The following ULK4 variants were observed in gnomAD, a reference collection of about 807,000 sequenced individuals.
ULK4 encodes the protein inactive serine/threonine-protein kinase ULK4.
ULK4 carries 133 observed loss-of-function variants against 160.6 expected under a neutral mutation model. That is an observed-to-expected ratio of 0.83 (90% CI 0.72 to 0.96). ULK4 has a LOEUF of 0.96. Among genes scored for constraint, ULK4 ranks in the 40% least tolerant of loss-of-function variants. ULK4 has a pLI of 0.00. For synonymous variants in ULK4, 534 were observed against 539.8 expected (o/e 0.99, Z 0.15); for missense variants, 1,580 against 1,499.5 (o/e 1.05, Z -0.89).
At chr3:41,886,876 T>C (rs1559629705) in intron 16 of ULK4, among the ~76,000 whole-genome samples, 1 of 152,200 alleles carries the variant, frequency 6.6e-6, no homozygotes, top group East Asian at 1.9e-4. Context: ...CCCAGCCTGG[T>C]GTGAATCTTT....
chr3:41,300,870 T>TATATAC (rs2079780443), intron 35 of ULK4, among the ~76,000 whole-genome samples: 2 of 114,792 alleles, frequency 1.7e-5, no homozygotes, highest in Non-Finnish European at 1.7e-5. Flanking sequence ...TATATATATA[T>TATATAC]ATATATATAT....
At chr3:41,253,338 A>T (rs2078773945) in intron 35 of ULK4, among the ~76,000 whole-genome samples, 1 of 152,094 alleles carries the variant, frequency 6.6e-6, no homozygotes, top group Admixed American at 6.5e-5. Context: ...ACATATGTAG[A>T]TGTAACATAT....
intron 32 of ULK4, among the ~76,000 whole-genome samples, chr3:41,560,578 C>T (rs1291726519): frequency 1.3e-5 from 2 of 152,206 alleles, no homozygotes; most frequent in Admixed American, 6.5e-5. Context: ...AGGTTCTTCA[C>T]ATCCCTTTTA....
chr3:41,551,412 C>CG (rs1559386751), intron 32 of ULK4, among the ~76,000 whole-genome samples: 2 of 144,970 alleles, frequency 1.4e-5, no homozygotes, highest in African/African-American at 2.8e-5. Flanking sequence ...GAAGAAGATC[C>CG]AAATAAAATC....
At chr3:41,385,094 A>G (rs571304508) in intron 35 of ULK4, among the ~76,000 whole-genome samples, 1 of 152,290 alleles carries the variant, frequency 6.6e-6, no homozygotes, top group South Asian at 2.1e-4. Flanking sequence ...TAATGATATG[A>G]AATTGTTAAT....
At chr3:41,861,217 T>C (rs898062573) in intron 17 of ULK4, among the ~76,000 whole-genome samples, 4 of 152,238 alleles carry the variant, frequency 2.6e-5, no homozygotes, top group Non-Finnish European at 4.4e-5. Context: ...TCTCTGTTTT[T>C]CTGTGTACTT....
intron 30 of ULK4, among the ~76,000 whole-genome samples, chr3:41,631,984 C>T (rs2033766317): frequency 6.6e-6 from 1 of 152,204 alleles, no homozygotes; most frequent in Non-Finnish European, 1.5e-5. Context: ...GGTCCTGAGC[C>T]TTCACTCTCT....
chr3:41,835,774 A>G, intron 18 of ULK4, 90 bp downstream of exon 18: 1 of 989,148 alleles, frequency 1.0e-6, no homozygotes, highest in Non-Finnish European at 1.5e-6. Flanking sequence ...AAGGCGCAAA[A>G]TCAAAAAACT....
intron 19 of ULK4, among the ~76,000 whole-genome samples, chr3:41,801,558 A>C (rs2040460558): frequency 6.6e-6 from 1 of 152,064 alleles, no homozygotes; most frequent in Non-Finnish European, 1.5e-5. Flanking sequence ...AATAAAGAGA[A>C]AACCTTATGG....
At chr3:41,738,311 G>C (rs1317396755) in intron 22 of ULK4, among the ~76,000 whole-genome samples, 9 of 151,800 alleles carry the variant, frequency 5.9e-5, no homozygotes, top group African/African-American at 2.2e-4. Flanking sequence ...CTGGCATGTT[G>C]GGTGCTATTG....
intron 22 of ULK4, among the ~76,000 whole-genome samples, chr3:41,733,753 T>TTA (rs1197898146): frequency 2.1e-5 from 3 of 140,212 alleles, no homozygotes; most frequent in East Asian, 4.0e-4. Context: ...TTTTTTTTTT[T>TTA]AGACAGAGTC....
intron 32 of ULK4, among the ~76,000 whole-genome samples, chr3:41,525,425 CCTGTATGA>C: frequency 6.6e-6 from 1 of 152,338 alleles, no homozygotes; most frequent in South Asian, 2.1e-4. Flanking sequence ...CAACAGCCGA[CCTGTATGA>C]ATGGCATCAA....
chr3:41,559,724 T>G (rs1057143943), intron 32 of ULK4, among the ~76,000 whole-genome samples: 1 of 152,014 alleles, frequency 6.6e-6, no homozygotes, highest in African/African-American at 2.4e-5. Context: ...GATGGAGTTG[T>G]TTATTTTCTT....
intron 4 of ULK4, among the ~76,000 whole-genome samples, chr3:41,934,138 A>G (rs939650232): frequency 6.6e-6 from 1 of 152,234 alleles, no homozygotes; most frequent in Non-Finnish European, 1.5e-5. Context: ...ACATGTAACA[A>G]TGAATTACAT....
intron 17 of ULK4, among the ~76,000 whole-genome samples, chr3:41,866,562 C>T (rs766410350): frequency 6.6e-6 from 1 of 152,180 alleles, no homozygotes; most frequent in Admixed American, 6.5e-5. Flanking sequence ...GGAGGCAGAG[C>T]TCAGGCAGTA....
rs2035254974 is a variant in ULK4, at chr3:41,663,593, T to A, written c.3071+14A>T. ...AGGTGAGACACAAGAAAAAGAAATTTGAACTTCCAGTACCTTGTGAAAGTT... is the reference window on the plus strand; with the variant it reads ...AGGTGAGACACAAGAAAAAGAAATTAGAACTTCCAGTACCTTGTGAAAGTT... On this transcript the variant is annotated intron_variant, in intron 30 of 36. Coordinates refer to ENST00000301831, the MANE Select transcript of ULK4 (RefSeq NM_017886.4). 6.2e-7 allele frequency: 1 copy of A among 1,608,120 alleles called. No homozygotes were observed. Among genetic ancestry groups the A allele is most frequent in the Non-Finnish European group, 8.5e-7 (1 of 1,174,956 alleles).
intron 5 of ULK4, among the ~76,000 whole-genome samples, chr3:41,923,159 ACT>A (rs1699254868): frequency 6.6e-6 from 1 of 151,874 alleles, no homozygotes; most frequent in East Asian, 1.9e-4. Context: ...CAAGAGCAAG[ACT>A]CTGTCTCAAA....
At chr3:41,672,330 G>C (rs186051529) in intron 29 of ULK4, among the ~76,000 whole-genome samples, 23 of 152,172 alleles carry the variant, frequency 1.5e-4, no homozygotes, top group African/African-American at 3.4e-4. Flanking sequence ...GTCCATCAAC[G>C]AATGTGGTAT....
intron 32 of ULK4, among the ~76,000 whole-genome samples, chr3:41,521,505 T>C (rs546600469): frequency 6.6e-6 from 1 of 152,332 alleles, no homozygotes; most frequent in Admixed American, 6.5e-5. Context: ...ACTGTTTCTT[T>C]GTAACAATGA....
Sources: gnomAD v4.1 joint callset for allele counts (sites outside exome capture counted in the v4.1 genomes callset) on GRCh38, gnomAD v4.1.1 for gene constraint, MANE v1.5 for transcripts, NCBI Gene and HGNC (gene_info 2026-07-23, HGNC 2026-07-21) for gene names.